Variants in TMEM117 observed in about 807,000 individuals in gnomAD.
TMEM117 encodes the protein transmembrane protein 117.
In TMEM117, 27 loss-of-function variants were observed where a neutral mutation model predicts 52.4. The observed-to-expected ratio is 0.51, with a 90% CI of 0.38 to 0.71. TMEM117 has a LOEUF of 0.71. Among genes scored for constraint, TMEM117 ranks in the 30% least tolerant of loss-of-function variants. The probability of loss-of-function intolerance (pLI) is 0.00; values close to 1 mark genes in which losing one functional copy is unlikely to be tolerated. For missense variants in TMEM117, 556 were observed against 630.5 expected (o/e 0.88, Z 1.26); for synonymous variants, 215 against 206.3 (o/e 1.04, Z -0.36).
chr12:43,960,605 C>T (rs1945386541), intron 3 of TMEM117, among the ~76,000 whole-genome samples: 7 of 152,068 alleles, frequency 4.6e-5, no homozygotes, highest in Admixed American at 4.6e-4. Context: ...TCAGAATGAA[C>T]ACTGATTTGA....
chr12:44,337,891 A>G (rs2138742577), intron 6 of TMEM117, among the ~76,000 whole-genome samples: 1 of 152,212 alleles, frequency 6.6e-6, no homozygotes, highest in East Asian at 1.9e-4. Context: ...GTTTCTTTCC[A>G]TTGCAAACTG....
At chr12:43,813,231 G>GTTTTTTTTTTTTT in the TMEM117 span, among the ~76,000 whole-genome samples, 26 of 62,668 alleles carry the variant, frequency 4.1e-4, 4 homozygotes, top group African/African-American at 7.6e-4. Flanking sequence ...GTTTTCTCTT[G>GTTTTTTTTTTTTT]TTTTTTTTTT....
At chr12:44,304,705 C>G (rs1950882859) in intron 6 of TMEM117, among the ~76,000 whole-genome samples, 1 of 152,156 alleles carries the variant, frequency 6.6e-6, no homozygotes, top group African/African-American at 2.4e-5. Flanking sequence ...GACAACATTT[C>G]TGGGCCAGAA....
rs541095395 is a variant in TMEM117, at chr12:44,114,430, A to G, written c.411-29095A>G. ...TGCATTTAGGACTGTATTTTAGCTT[A>G]GTATTGGACAAATGGTAAAACTCAG... On this transcript the variant is annotated intron_variant, in intron 3 of 7. Coordinates refer to ENST00000266534, the MANE Select transcript of TMEM117 (RefSeq NM_032256.3). Among the ~76,000 whole-genome samples the G allele has an allele frequency of 3.9e-5, 6 of 152,276 alleles. No homozygotes were observed. The East Asian group carries it at 5.8e-4, about 15-fold the overall frequency.
intron 2 of TMEM117, among the ~76,000 whole-genome samples, chr12:43,880,894 CATGTAA>C (rs1417124707): frequency 5.9e-5 from 9 of 152,096 alleles, no homozygotes; most frequent in Non-Finnish European, 1.2e-4. Context: ...TGCCATTCTT[CATGTAA>C]AAGTATAATT....
intron 5 of TMEM117, among the ~76,000 whole-genome samples, chr12:44,227,162 G>A (rs1949872634): frequency 6.6e-6 from 1 of 152,070 alleles, no homozygotes; most frequent in Non-Finnish European, 1.5e-5. Flanking sequence ...GCAGTAACTT[G>A]ATTTGCAAAA....
At chr12:44,209,181 G>T (rs952767867) in intron 4 of TMEM117, among the ~76,000 whole-genome samples, 1 of 152,118 alleles carries the variant, frequency 6.6e-6, no homozygotes, top group Non-Finnish European at 1.5e-5. Flanking sequence ...CTCTAGAGAA[G>T]TTACGATATA....
At chr12:43,912,253 A>T (rs1944517699) in intron 2 of TMEM117, among the ~76,000 whole-genome samples, 1 of 142,132 alleles carries the variant, frequency 7.0e-6, no homozygotes. Flanking sequence ...AAAAACAAAA[A>T]ACCAAACACT....
chr12:44,283,524 C>A (rs1950602801), intron 5 of TMEM117, among the ~76,000 whole-genome samples: 1 of 152,180 alleles, frequency 6.6e-6, no homozygotes, highest in South Asian at 2.1e-4. Flanking sequence ...CTTACATGGG[C>A]TCTGCAACCC....
chr12:43,869,642 G>T (rs1943669578), intron 2 of TMEM117, among the ~76,000 whole-genome samples: 2 of 152,322 alleles, frequency 1.3e-5, no homozygotes, highest in African/African-American at 4.8e-5. Context: ...TTAAAACCTG[G>T]AATATGAGGC....
chr12:43,936,458 G>A (rs1944953435), intron 2 of TMEM117, among the ~76,000 whole-genome samples: 2 of 152,128 alleles, frequency 1.3e-5, no homozygotes, highest in Non-Finnish European at 2.9e-5. Context: ...CTGACTTCCA[G>A]TGTGAAGCTC....
chr12:44,363,434 A>T (rs1421950484), intron 6 of TMEM117, among the ~76,000 whole-genome samples: 2 of 152,160 alleles, frequency 1.3e-5, no homozygotes, highest in Non-Finnish European at 2.9e-5. Context: ...AGGAAGATGT[A>T]TTTCCTTTCA....
chr12:43,847,198 G>T (rs142681413), intron 2 of TMEM117, among the ~76,000 whole-genome samples: 1 of 152,128 alleles, frequency 6.6e-6, no homozygotes, highest in Non-Finnish European at 1.5e-5. Context: ...ATAGATGAAA[G>T]ATAGCATCTC....
chr12:43,934,159 T>A (rs549294809), intron 2 of TMEM117, among the ~76,000 whole-genome samples: 97 of 152,276 alleles, frequency 6.4e-4, no homozygotes, highest in African/African-American at 2.3e-3. Context: ...TATGCATAAA[T>A]TAAGTGTGCT....
chr12:43,891,271 T>C (rs1565737296), intron 2 of TMEM117, among the ~76,000 whole-genome samples: 1 of 152,096 alleles, frequency 6.6e-6, no homozygotes, highest in Non-Finnish European at 1.5e-5. Flanking sequence ...CACACAGAAG[T>C]ACCTGTCCTC....
intron 5 of TMEM117, among the ~76,000 whole-genome samples, chr12:44,295,677 G>GTTT (rs139314147): frequency 0.019 from 2,676 of 140,376 alleles, 84 homozygotes; most frequent in African/African-American, 0.067. Flanking sequence ...CAGGATTTCT[G>GTTT]TTTTTTTTTT....
At chr12:44,337,024 A>G (rs2138740285) in intron 6 of TMEM117, among the ~76,000 whole-genome samples, 1 of 152,222 alleles carries the variant, frequency 6.6e-6, no homozygotes, top group East Asian at 1.9e-4. Flanking sequence ...GGTATCTTTT[A>G]TCCTCTTTTG....
chr12:44,311,913 G>A (rs57600908), intron 6 of TMEM117, among the ~76,000 whole-genome samples: 1,674 of 127,840 alleles, frequency 0.013, 65 homozygotes, highest in African/African-American at 0.057. Flanking sequence ...ATATATGTGT[G>A]TATATATATA....
intron 3 of TMEM117, among the ~76,000 whole-genome samples, chr12:43,969,187 C>A (rs1945535264): frequency 6.6e-6 from 1 of 151,540 alleles, no homozygotes; most frequent in African/African-American, 2.4e-5. Flanking sequence ...TGATAGATAT[C>A]TGTTAGTGTA....
Sources: gnomAD v4.1 joint callset for allele counts (sites outside exome capture counted in the v4.1 genomes callset) on GRCh38, gnomAD v4.1.1 for gene constraint, MANE v1.5 for transcripts, NCBI Gene and HGNC (gene_info 2026-07-23, HGNC 2026-07-21) for gene names.